Variants in PDE1A observed in about 807,000 individuals in gnomAD.
PDE1A encodes dual specificity calcium/calmodulin-dependent 3',5'-cyclic nucleotide phosphodiesterase 1A.
In PDE1A, 35 loss-of-function variants were observed where a neutral mutation model predicts 61.7. That is an observed-to-expected ratio of 0.57 (90% CI 0.43 to 0.75). The LOEUF (loss-of-function observed/expected upper bound fraction) is 0.75. Ranked by LOEUF, PDE1A falls within the 30% of genes least tolerant of loss-of-function variation. The probability of loss-of-function intolerance (pLI) is 0.00; values close to 1 mark genes in which losing one functional copy is unlikely to be tolerated. For synonymous variants in PDE1A, 232 were observed against 213.2 expected (o/e 1.09, Z -0.77); for missense variants, 597 against 630.6 (o/e 0.95, Z 0.57).
At chr2:182,446,847 T>C (rs1685169979) in intron 2 of PDE1A, among the ~76,000 whole-genome samples, 1 of 151,970 alleles carries the variant, frequency 6.6e-6, no homozygotes, top group South Asian at 2.1e-4. Context: ...CAGAAAATTT[T>C]TTAAAATAGT....
rs534262529 is a variant in PDE1A, at chr2:182,228,240, C to T, written c.675+1766G>A. ...CATCAACTCTCCTCGGCATTGTCTA[C>T]ATCCAGACTTGAGGGCGTCCCTTAT... is the stretch of plus-strand genomic sequence containing the variant. On this transcript the variant is annotated intron_variant, in intron 6 of 13. Coordinates refer to ENST00000351439, the Ensembl canonical transcript of PDE1A. Among the ~76,000 whole-genome samples the T allele has an allele frequency of 2.6e-5, 4 of 152,210 alleles. No individual in the cohort carries two copies. The South Asian group carries it at 6.2e-4, about 24-fold the overall frequency.
At chr2:182,254,812 C>T (rs963626531) in intron 2 of PDE1A, among the ~76,000 whole-genome samples, 1 of 152,144 alleles carries the variant, frequency 6.6e-6, no homozygotes, top group Non-Finnish European at 1.5e-5. Context: ...ACTGCAGAGA[C>T]AACACAGTTG....
the PDE1A span, among the ~76,000 whole-genome samples, chr2:182,546,956 A>G: frequency 6.6e-6 from 1 of 152,222 alleles, no homozygotes; most frequent in Admixed American, 6.5e-5. Flanking sequence ...TTGCTATTTC[A>G]TCAAAACAGT....
intron 1 of PDE1A, among the ~76,000 whole-genome samples, chr2:182,399,949 G>A (rs1457097732): frequency 6.6e-6 from 1 of 152,048 alleles, no homozygotes; most frequent in East Asian, 1.9e-4. Flanking sequence ...AGGATTGCTA[G>A]TCTAAAGCTA....
At chr2:182,568,147 TAG>T in the PDE1A span, among the ~76,000 whole-genome samples, 1 of 152,168 alleles carries the variant, frequency 6.6e-6, no homozygotes. Flanking sequence ...GCCTTTTTTG[TAG>T]AGTTTCCTTT....
At chr2:182,428,717 G>A (rs1703766460), upstream of PDE1A, among the ~76,000 whole-genome samples, 1 of 152,084 alleles carries the variant, frequency 6.6e-6, no homozygotes, top group Admixed American at 6.6e-5. Flanking sequence ...TTTTGCGTTT[G>A]TGGGTAGCAT....
chr2:182,677,107 G>C, the PDE1A span, among the ~76,000 whole-genome samples: 87 of 152,212 alleles, frequency 5.7e-4, no homozygotes, highest in Non-Finnish European at 8.7e-4. Flanking sequence ...CAAATAGGAA[G>C]ACAGGACGTC....
intron 3 of PDE1A, among the ~76,000 whole-genome samples, chr2:182,236,251 T>C (rs1391842478): frequency 2.0e-5 from 3 of 152,032 alleles, no homozygotes; most frequent in Admixed American, 6.6e-5. Flanking sequence ...ACTCCATTGA[T>C]ATAGGTATAA....
At chr2:182,263,517 A>G (rs1040447961) in intron 2 of PDE1A, among the ~76,000 whole-genome samples, 1 of 152,152 alleles carries the variant, frequency 6.6e-6, no homozygotes, top group African/African-American at 2.4e-5. Flanking sequence ...GAAAAAAATT[A>G]GCACCTTTTC....
At chr2:182,499,880 G>A (rs971066246) in intron 2 of PDE1A, among the ~76,000 whole-genome samples, 30 of 152,338 alleles carry the variant, frequency 2.0e-4, no homozygotes, top group Non-Finnish European at 7.4e-5. Context: ...ATTCATGAGA[G>A]TGCTGGAGGG....
At chr2:182,341,081 T>G (rs545806609) in intron 1 of PDE1A, among the ~76,000 whole-genome samples, 1 of 152,226 alleles carries the variant, frequency 6.6e-6, no homozygotes, top group South Asian at 2.1e-4. Flanking sequence ...TCATTAATAA[T>G]AAAACCTAAG....
Position 182,403,598 on chromosome 2 carries a change from C to CAA in PDE1A, c.53+22978_53+22979dup, listed in dbSNP as rs548993514. ...TGGGCGACAGAGCCAGACTCCGTCT[C>CAA]AAAAAAAAAAAAAAAAGAAAATGTG... On this transcript the variant is annotated intron_variant, in intron 1 of 13. Transcript: ENST00000351439. 2.4e-3 allele frequency among the ~76,000 whole-genome samples: 185 copies of CAA among 77,630 alleles called. 2 individuals are homozygous for CAA. The highest frequency in any genetic ancestry group is 6.8e-3 in the Middle Eastern group (1 of 148). The allele number at this position is 77,630 out of a possible 152,430, so 50.9% of individuals were successfully genotyped here.
At chr2:182,512,506 A>G (rs1037697439) in intron 2 of PDE1A, among the ~76,000 whole-genome samples, 6 of 152,236 alleles carry the variant, frequency 3.9e-5, no homozygotes, top group Admixed American at 3.3e-4. Flanking sequence ...CAGATAAGAA[A>G]GAAACAATGC....
chr2:182,469,647 T>A (rs1686898598), intron 2 of PDE1A, among the ~76,000 whole-genome samples: 1 of 152,000 alleles, frequency 6.6e-6, no homozygotes, highest in African/African-American at 2.4e-5. Flanking sequence ...CAACTTGGCT[T>A]ACTCTTTGGT....
At chr2:182,339,247 T>C (rs74828833) in intron 1 of PDE1A, among the ~76,000 whole-genome samples, 3,907 of 152,236 alleles carry the variant, frequency 0.026, 151 homozygotes, top group African/African-American at 0.089. Context: ...CAATGAAATT[T>C]GTATTTCTCA....
At chr2:182,715,207 T>G in the PDE1A span, among the ~76,000 whole-genome samples, 2 of 152,216 alleles carry the variant, frequency 1.3e-5, no homozygotes, top group Non-Finnish European at 2.9e-5. Context: ...ATCCTAGCTC[T>G]CAAATATTTG....
chr2:182,418,751 T>C (rs936497278), intron 1 of PDE1A, among the ~76,000 whole-genome samples: 3 of 152,154 alleles, frequency 2.0e-5, no homozygotes, highest in African/African-American at 4.8e-5. Context: ...GTTTTTTAAA[T>C]GGGACAGTAA....
At chr2:182,342,187 CA>C (rs1326492584) in intron 1 of PDE1A, among the ~76,000 whole-genome samples, 3 of 152,154 alleles carry the variant, frequency 2.0e-5, no homozygotes, top group Non-Finnish European at 2.9e-5. Flanking sequence ...TGGCTGAGAA[CA>C]TTTCACTTCT....
intron 2 of PDE1A, among the ~76,000 whole-genome samples, chr2:182,256,088 T>C (rs1320950363): frequency 7.0e-6 from 1 of 142,350 alleles, no homozygotes. Context: ...TTTTTCTTTC[T>C]TTTTTTTTTA....
Sources: allele counts gnomAD v4.1 joint callset (sites outside exome capture counted in the v4.1 genomes callset), GRCh38; gene constraint gnomAD v4.1.1; transcripts MANE v1.5; gene names NCBI Gene and HGNC (gene_info 2026-07-23, HGNC 2026-07-21).